RBFOX1: variants seen among roughly 807,000 people sequenced by gnomAD.
RBFOX1 encodes RNA binding fox-1 homolog 1.
Under a neutral mutation model 57.7 loss-of-function variants are expected in RBFOX1, and 8 were observed. The ratio of observed to expected loss-of-function variants is 0.14; its 90% CI spans 0.08 to 0.25. The LOEUF is 0.25. Among genes scored for constraint, RBFOX1 ranks in the 10% least tolerant of loss-of-function variants. RBFOX1 has a pLI of 1.00. For synonymous variants in RBFOX1, 326 were observed against 222.4 expected, an observed-to-expected ratio of 1.47 and a Z score of -4.15; for missense variants, 611 against 548.5, an observed-to-expected ratio of 1.11 and a Z score of -1.14.
intron 4 of RBFOX1, among the ~76,000 whole-genome samples, chr16:5,980,258 C>T (rs1195958596): frequency 6.6e-6 from 1 of 152,232 alleles, no homozygotes; most frequent in African/African-American, 2.4e-5. Context: ...ATCTCCAAAT[C>T]GACTCCTTCC....
intron 1 of RBFOX1, among the ~76,000 whole-genome samples, chr16:5,432,681 CTG>C (rs945806139): frequency 3.3e-5 from 5 of 151,440 alleles, no homozygotes; most frequent in Non-Finnish European, 5.9e-5. Flanking sequence ...AGAGGGCTGA[CTG>C]TGGGTGCCCA....
At chr16:7,321,032 A>G (rs965310490) in intron 4 of RBFOX1, among the ~76,000 whole-genome samples, 4 of 149,718 alleles carry the variant, frequency 2.7e-5, no homozygotes, top group African/African-American at 9.8e-5. Flanking sequence ...TTTTATTAGT[A>G]AACTGGAGAC....
At chr16:5,533,631 T>C (rs1342755499) in intron 2 of RBFOX1, among the ~76,000 whole-genome samples, 1 of 152,192 alleles carries the variant, frequency 6.6e-6, no homozygotes, top group Non-Finnish European at 1.5e-5. Context: ...TTATCACTCC[T>C]GATGAAGATT....
intron 3 of RBFOX1, among the ~76,000 whole-genome samples, chr16:5,714,772 A>C (rs1034547755): frequency 6.6e-6 from 1 of 152,238 alleles, no homozygotes; most frequent in Non-Finnish European, 1.5e-5. Context: ...ATTTATCACT[A>C]TAATCATATC....
chr16:6,114,208 T>C (rs944248798), intron 1 of RBFOX1, among the ~76,000 whole-genome samples: 1 of 152,242 alleles, frequency 6.6e-6, no homozygotes, highest in Admixed American at 6.5e-5. Context: ...ACAGTTAGAT[T>C]CTTGGATGAA....
At chr16:6,026,516 T>C (rs1862815) in intron 1 of RBFOX1, among the ~76,000 whole-genome samples, 5,464 of 152,286 alleles carry the variant, frequency 0.036, 315 homozygotes, top group African/African-American at 0.12. Context: ...ATGGCCTCTT[T>C]TGCTGCCTTT....
intron 3 of RBFOX1, among the ~76,000 whole-genome samples, chr16:7,008,030 C>T (rs946512877): frequency 6.6e-6 from 1 of 152,130 alleles, no homozygotes; most frequent in East Asian, 1.9e-4. Context: ...TCTCACCCAA[C>T]TTAGCATTAT....
At chr16:5,887,278 C>A (rs1043887964) in intron 4 of RBFOX1, among the ~76,000 whole-genome samples, 13 of 152,202 alleles carry the variant, frequency 8.5e-5, no homozygotes, top group Admixed American at 7.9e-4. Flanking sequence ...TGGCCCTGGA[C>A]ACCACAGCAG....
At chr16:7,237,042 C>A (rs1413516628) in intron 4 of RBFOX1, among the ~76,000 whole-genome samples, 1 of 152,140 alleles carries the variant, frequency 6.6e-6, no homozygotes, top group African/African-American at 2.4e-5. Flanking sequence ...CACCCATCAG[C>A]AAGAGAGGAA....
chr16:5,511,712 C>G (rs2043599671), intron 2 of RBFOX1, among the ~76,000 whole-genome samples: 2 of 152,154 alleles, frequency 1.3e-5, no homozygotes, highest in Admixed American at 6.5e-5. Flanking sequence ...AGTGATGAAA[C>G]CAGGATTTGA....
At chr16:5,372,869 T>C (rs986605304) in intron 1 of RBFOX1, among the ~76,000 whole-genome samples, 1 of 152,220 alleles carries the variant, frequency 6.6e-6, no homozygotes, top group Admixed American at 6.5e-5. Flanking sequence ...TGATCCTTTT[T>C]GAATCAAAAC....
chr16:6,407,808 C>G (rs1169191713), intron 2 of RBFOX1, among the ~76,000 whole-genome samples: 1 of 152,126 alleles, frequency 6.6e-6, no homozygotes, highest in African/African-American at 2.4e-5. Flanking sequence ...CACTAAATCA[C>G]CAATCCTCAC....
chr16:6,075,223 C>G (rs1438201522), intron 1 of RBFOX1, among the ~76,000 whole-genome samples: 1 of 152,198 alleles, frequency 6.6e-6, no homozygotes, highest in Non-Finnish European at 1.5e-5. Flanking sequence ...AAAATGAGTA[C>G]TTTGCAATGC....
At chr16:6,597,312 C>T (rs1411907006) in intron 2 of RBFOX1, among the ~76,000 whole-genome samples, 1 of 152,134 alleles carries the variant, frequency 6.6e-6, no homozygotes, top group Non-Finnish European at 1.5e-5. Context: ...TCTGAGTCCC[C>T]TTTTCCTTTC....
At chr16:6,767,184 TG>T (rs2077455599) in intron 3 of RBFOX1, among the ~76,000 whole-genome samples, 4 of 152,148 alleles carry the variant, frequency 2.6e-5, no homozygotes, top group Admixed American at 2.6e-4. Context: ...GAGTTGGGTA[TG>T]GAACCTAAAC....
In RBFOX1 at chr16:6,450,835, A is replaced by ATATG. The variant is rs1487964875; in HGVS notation, c.-64+133779_-64+133780insATGT. Among the ~76,000 whole-genome samples, 51 of 19,814 alleles carry ATATG rather than the reference A, an allele frequency of 2.6e-3. 10 individuals are homozygous for ATATG. The highest frequency in any genetic ancestry group is 0.012 in the African/African-American group (51 of 4,208). The allele number at this position is 19,814 out of a possible 152,430, so 13.0% of individuals were successfully genotyped here. On this transcript the variant is annotated intron_variant, in intron 2 of 15. Coordinates refer to ENST00000550418, the MANE Select transcript of RBFOX1 (RefSeq NM_018723.4). Reference sequence around the variant, plus strand: ...TATATATACATATATATATATATATATGTGTATATATATATATATATATAT... The same window carrying ATATG: ...TATATATACATATATATATATATATATATGTGTGTATATATATATATATATATAT...
chr16:6,417,790 A>G (rs1020581707), intron 2 of RBFOX1, among the ~76,000 whole-genome samples: 1 of 146,832 alleles, frequency 6.8e-6, no homozygotes, highest in East Asian at 2.0e-4. Context: ...TTTTTTTTTT[A>G]CAGATTATTT....
At chr16:6,638,836 C>A (rs892056362) in intron 2 of RBFOX1, among the ~76,000 whole-genome samples, 23 of 152,268 alleles carry the variant, frequency 1.5e-4, no homozygotes, top group African/African-American at 5.5e-4. Context: ...TTACTTAAGG[C>A]TGTAGACAAT....
chr16:7,571,646 G>C (rs1476791860), intron 5 of RBFOX1, among the ~76,000 whole-genome samples: 1 of 152,096 alleles, frequency 6.6e-6, no homozygotes, highest in African/African-American at 2.4e-5. Context: ...CTCCTAATAA[G>C]GCCTTCACAC....
Sources: gnomAD v4.1 joint callset for allele counts (sites outside exome capture counted in the v4.1 genomes callset) on GRCh38, gnomAD v4.1.1 for gene constraint, MANE v1.5 for transcripts, NCBI Gene and HGNC (gene_info 2026-07-23, HGNC 2026-07-21) for gene names.